GPATCH2: variants seen among roughly 807,000 people sequenced by gnomAD.
GPATCH2 encodes G-patch domain containing 2.
GPATCH2 carries 51 observed loss-of-function variants against 58.0 expected under a neutral mutation model. The observed-to-expected ratio is 0.88, with a 90% CI of 0.70 to 1.11. The LOEUF (loss-of-function observed/expected upper bound fraction) is 1.11, where lower values mean the gene tolerates loss of function less well. Among genes scored for constraint, GPATCH2 ranks in the 50% most tolerant of loss-of-function variants. The pLI, the probability that GPATCH2 is intolerant of heterozygous loss-of-function variation, is 0.00. For synonymous variants in GPATCH2, 222 were observed against 218.5 expected (o/e 1.02, Z -0.14); for missense variants, 625 against 652.2 (o/e 0.96, Z 0.45).
intron 8 of GPATCH2, among the ~76,000 whole-genome samples, chr1:217,466,699 T>C (rs1660467659): frequency 6.6e-6 from 1 of 151,950 alleles, no homozygotes; most frequent in Admixed American, 6.6e-5. Flanking sequence ...CTGAAACTGT[T>C]ACACAGAGGT....
intron 9 of GPATCH2, among the ~76,000 whole-genome samples, chr1:217,433,382 ATATTTATT>A (rs71967714): frequency 3.4e-4 from 27 of 78,692 alleles, no homozygotes; most frequent in South Asian, 7.1e-4. Context: ...ATATATATAT[ATATTTATT>A]TATTTATTTA....
intron 8 of GPATCH2, among the ~76,000 whole-genome samples, chr1:217,489,156 C>G (rs1661598585): frequency 6.7e-6 from 1 of 150,188 alleles, no homozygotes; most frequent in Admixed American, 6.6e-5. Context: ...AGGCTGGTCT[C>G]AAGCTCCTGG....
At chr1:217,449,489 T>C in intron 8 of GPATCH2, 152 bp from the exon 9 acceptor site, 1 of 603,198 alleles carries the variant, frequency 1.7e-6, no homozygotes, top group East Asian at 2.8e-5. Flanking sequence ...CGAAACATAA[T>C]TACATTTGTT....
At chr1:217,570,808 T>C (rs568182987) in intron 5 of GPATCH2, among the ~76,000 whole-genome samples, 1 of 152,358 alleles carries the variant, frequency 6.6e-6, no homozygotes, top group African/African-American at 2.4e-5. Flanking sequence ...AAAAGGTTAC[T>C]ATCCTGAAAG....
chr1:217,454,729 C>A (rs1659861655), intron 8 of GPATCH2, among the ~76,000 whole-genome samples: 1 of 151,570 alleles, frequency 6.6e-6, no homozygotes, highest in Non-Finnish European at 1.5e-5. Context: ...TCTCATACCT[C>A]AGCACCACGC....
chr1:217,569,006 A>T (rs1051440539), intron 5 of GPATCH2, among the ~76,000 whole-genome samples: 1 of 152,178 alleles, frequency 6.6e-6, no homozygotes, highest in Non-Finnish European at 1.5e-5. Flanking sequence ...AGGATTTACT[A>T]ATGAATTAAA....
At chr1:217,605,655 G>T (rs767831313) in intron 5 of GPATCH2, among the ~76,000 whole-genome samples, 1 of 152,152 alleles carries the variant, frequency 6.6e-6, no homozygotes, top group Admixed American at 6.6e-5. Context: ...GTAGACCAAT[G>T]TAACACCTGT....
intron 3 of GPATCH2, among the ~76,000 whole-genome samples, chr1:217,612,363 T>C (rs892602495): frequency 4.6e-5 from 7 of 152,216 alleles, no homozygotes; most frequent in African/African-American, 1.7e-4. Flanking sequence ...ATTTCTGATT[T>C]CTAAAATCTC....
At chr1:217,579,116 A>G (rs917238913) in intron 5 of GPATCH2, among the ~76,000 whole-genome samples, 3 of 152,228 alleles carry the variant, frequency 2.0e-5, no homozygotes, top group African/African-American at 7.2e-5. Context: ...ATGATTTTTT[A>G]AAAGGTGTAA....
chr1:217,522,338 ACTT>A (rs147687282), intron 5 of GPATCH2, among the ~76,000 whole-genome samples: 1,709 of 152,296 alleles, frequency 0.011, 20 homozygotes, highest in Non-Finnish European at 0.019. Flanking sequence ...TACAGCAACA[ACTT>A]TTTTCATACC....
intron 9 of GPATCH2, among the ~76,000 whole-genome samples, chr1:217,443,360 T>C (rs1045091331): frequency 1.3e-5 from 2 of 152,184 alleles, no homozygotes; most frequent in Non-Finnish European, 2.9e-5. Flanking sequence ...AAATATTCTC[T>C]CTTACATTCT....
At chr1:217,434,343 T>C (rs1390459816) in intron 9 of GPATCH2, among the ~76,000 whole-genome samples, 9 of 152,322 alleles carry the variant, frequency 5.9e-5, no homozygotes, top group African/African-American at 1.9e-4. Flanking sequence ...TAAAAATCTT[T>C]TGTCAAAAAT....
chr1:217,625,748 C>T (rs1173533357), intron 1 of GPATCH2, among the ~76,000 whole-genome samples: 1 of 152,060 alleles, frequency 6.6e-6, no homozygotes, highest in Non-Finnish European at 1.5e-5. Context: ...TCTGGGAGGT[C>T]GAAGTGGGTG....
At chr1:217,486,342 C>G (rs1409585588) in intron 8 of GPATCH2, among the ~76,000 whole-genome samples, 1 of 152,136 alleles carries the variant, frequency 6.6e-6, no homozygotes. Context: ...CTATTGGAAT[C>G]TGTAATCCAA....
At chr1:217,502,149 A>G (rs1252481458) in intron 6 of GPATCH2, among the ~76,000 whole-genome samples, 1 of 152,110 alleles carries the variant, frequency 6.6e-6, no homozygotes, top group Non-Finnish European at 1.5e-5. Flanking sequence ...GAAATCTGGT[A>G]GGATAATTCC....
intron 9 of GPATCH2, 43 bp from the exon 10 acceptor site, chr1:217,431,408 C>T: frequency 1.9e-6 from 2 of 1,074,406 alleles, no homozygotes; most frequent in Non-Finnish European, 2.9e-6. Flanking sequence ...AGTATGAACA[C>T]AGGTGAAGAT....
At chr1:217,608,752 A>G (rs1011197786) in intron 5 of GPATCH2, 65 of 981,094 alleles carry the variant, frequency 6.6e-5, no homozygotes, top group Non-Finnish European at 7.1e-5. Context: ...TGTAATTCAG[A>G]AAAAAAACAT....
chr1:217,596,914 A>T (rs1364184600), intron 5 of GPATCH2, among the ~76,000 whole-genome samples: 2 of 152,194 alleles, frequency 1.3e-5, no homozygotes, highest in African/African-American at 4.8e-5. Context: ...TTCCCAGGAA[A>T]CATAACACAT....
At chr1:217,544,246 T>C (rs563066333) in intron 5 of GPATCH2, among the ~76,000 whole-genome samples, 1 of 152,130 alleles carries the variant, frequency 6.6e-6, no homozygotes, top group African/African-American at 2.4e-5. Context: ...ATGCAAAAAT[T>C]AGCCGGATGT....
Sources: gnomAD v4.1 joint callset for allele counts (sites outside exome capture counted in the v4.1 genomes callset) on GRCh38, gnomAD v4.1.1 for gene constraint, MANE v1.5 for transcripts, NCBI Gene and HGNC (gene_info 2026-07-23, HGNC 2026-07-21) for gene names.